Variants in KSR2 observed in about 807,000 individuals in gnomAD.
The protein encoded by KSR2 is kinase suppressor of ras 2.
In KSR2, 25 loss-of-function variants were observed where a neutral mutation model predicts 107.8. The observed-to-expected ratio is 0.23, with a 90% CI of 0.17 to 0.32. KSR2 has a LOEUF of 0.32. Among genes scored for constraint, KSR2 ranks in the 10% least tolerant of loss-of-function variants. KSR2 has a pLI of 1.00. For synonymous variants in KSR2, 480 were observed against 507.0 expected (o/e 0.95, Z 0.71); for missense variants, 887 against 1,268.9 (o/e 0.70, Z 4.57).
At position 117,457,330 on chromosome 12, in the gene KSR2, G is replaced by A. The variant is rs542560260; in HGVS notation, c.*9869C>T. 1.3e-5 allele frequency: 2 copies of A among 152,338 alleles called. No individual in the cohort carries two copies. The highest frequency in any genetic ancestry group is 6.5e-5 in the Admixed American group (1 of 15,300). The allele number at this position is 152,338 out of a possible 1,614,324, so 9.4% of individuals were successfully genotyped here. On this transcript the variant is annotated 3_prime_UTR_variant, in exon 20 of 20. Transcript: ENST00000339824. ...GATGCTGGATTTGAATCCTAGTCGC[G>A]TGGCCTGGAGACAACTCAGGGGACA...
At chr12:117,511,070 A>T (rs1873995855) in intron 14 of KSR2, among the ~76,000 whole-genome samples, 1 of 152,212 alleles carries the variant, frequency 6.6e-6, no homozygotes. Flanking sequence ...ACTGAGGCTC[A>T]GACAGTCTAA....
intron 4 of KSR2, among the ~76,000 whole-genome samples, chr12:117,683,658 C>T (rs2136543738): frequency 6.6e-6 from 1 of 152,330 alleles, no homozygotes; most frequent in South Asian, 2.1e-4. Flanking sequence ...AACAGACCTT[C>T]TACCAAGGCT....
chr12:117,776,802 A>T (rs748825121), intron 3 of KSR2, among the ~76,000 whole-genome samples: 9 of 151,794 alleles, frequency 5.9e-5, no homozygotes, highest in Non-Finnish European at 1.2e-4. Context: ...ACCCACCTCC[A>T]TCCCAGCTAC....
intron 3 of KSR2, among the ~76,000 whole-genome samples, chr12:117,823,131 G>A (rs1016527282): frequency 1.0e-4 from 8 of 79,430 alleles, no homozygotes; most frequent in South Asian, 3.8e-4. Context: ...AAAAAAAAAA[G>A]TGTGGCTGGA....
chr12:117,654,004 C>G (rs73411182), intron 5 of KSR2, among the ~76,000 whole-genome samples: 7,668 of 152,262 alleles, frequency 0.05, 362 homozygotes, highest in East Asian at 0.16. Flanking sequence ...AGGTGAATCA[C>G]AGCAGAGGCT....
At chr12:117,691,498 C>G (rs1018684535) in intron 4 of KSR2, among the ~76,000 whole-genome samples, 19 of 152,150 alleles carry the variant, frequency 1.2e-4, no homozygotes, top group African/African-American at 4.6e-4. Flanking sequence ...TGTTCAGCAC[C>G]AAGATTAATG....
intron 7 of KSR2, among the ~76,000 whole-genome samples, chr12:117,560,935 C>T (rs908765636): frequency 1.3e-5 from 2 of 152,310 alleles, no homozygotes; most frequent in African/African-American, 2.4e-5. Context: ...TGGTGCCATA[C>T]TTGTACAGCC....
chr12:117,762,900 A>G (rs1041536250), intron 3 of KSR2, among the ~76,000 whole-genome samples: 3 of 151,648 alleles, frequency 2.0e-5, no homozygotes, highest in Non-Finnish European at 2.9e-5. Flanking sequence ...TTATTTTATT[A>G]TTATTATACT....
At chr12:117,608,335 T>C (rs1881405452) in intron 5 of KSR2, among the ~76,000 whole-genome samples, 1 of 152,242 alleles carries the variant, frequency 6.6e-6, no homozygotes, top group African/African-American at 2.4e-5. Flanking sequence ...AAATATCCAC[T>C]GAACAAAGAA....
At chr12:117,693,815 A>C (rs867247766) in intron 4 of KSR2, among the ~76,000 whole-genome samples, 20 of 152,300 alleles carry the variant, frequency 1.3e-4, no homozygotes, top group Admixed American at 1.1e-3. Flanking sequence ...TGCGGCTCAC[A>C]GGGGAGACTC....
intron 10 of KSR2, among the ~76,000 whole-genome samples, chr12:117,536,086 TCAC>T (rs555281657): frequency 2.5e-3 from 386 of 152,308 alleles, no homozygotes; most frequent in African/African-American, 8.9e-3. Flanking sequence ...TATATCCTTT[TCAC>T]CACATGTCCT....
At chr12:117,846,544 C>A (rs2137185279) in intron 3 of KSR2, among the ~76,000 whole-genome samples, 1 of 152,224 alleles carries the variant, frequency 6.6e-6, no homozygotes, top group Non-Finnish European at 1.5e-5. Flanking sequence ...CTCAAGCGAT[C>A]CTCCTGCCTC....
At chr12:117,700,048 C>T (rs815683) in intron 4 of KSR2, among the ~76,000 whole-genome samples, 59,978 of 143,470 alleles carry the variant, frequency 0.42, 14,197 homozygotes, top group South Asian at 0.57. Flanking sequence ...AATTTTGGTA[C>T]TTTTTTTTTT....
intron 7 of KSR2, 144 bp downstream of exon 7, chr12:117,578,975 C>G (rs531391925): frequency 1.5e-6 from 1 of 672,414 alleles, no homozygotes; most frequent in South Asian, 1.7e-5. Context: ...CTTACAGGTG[C>G]ATTTCCAATC....
At chr12:117,641,499 C>G (rs1883355569) in intron 5 of KSR2, among the ~76,000 whole-genome samples, 1 of 152,194 alleles carries the variant, frequency 6.6e-6, no homozygotes, top group Non-Finnish European at 1.5e-5. Context: ...TCATCCCAAT[C>G]TCTGCCTTTG....
chr12:117,761,594 AC>A, intron 3 of KSR2, 70 bp from the exon 4 acceptor site: 1 of 1,430,944 alleles, frequency 7.0e-7, no homozygotes, highest in Non-Finnish European at 9.8e-7. Context: ...CACCATACAC[AC>A]CATTACATCA....
chr12:117,856,159 C>A (rs1186261965), intron 2 of KSR2, among the ~76,000 whole-genome samples: 1 of 152,150 alleles, frequency 6.6e-6, no homozygotes, highest in African/African-American at 2.4e-5. Flanking sequence ...TGTTTTTGAG[C>A]CCCATGGGGC....
intron 5 of KSR2, among the ~76,000 whole-genome samples, chr12:117,610,814 AG>A (rs1565925166): frequency 1.3e-5 from 2 of 151,938 alleles, no homozygotes; most frequent in Admixed American, 1.3e-4. Context: ...ATGTATAAGT[AG>A]GTAGGTAGGT....
rs940965168 is a variant in KSR2 at position 117,461,402 on chromosome 12, G to C, written c.*5797C>G. 2.0e-5 allele frequency: 3 copies of C among 152,144 alleles called. No individual in the cohort carries two copies. The highest frequency in any genetic ancestry group is 4.4e-5 in the Non-Finnish European group (3 of 68,056). The allele number at this position is 152,144 out of a possible 1,614,324, so 9.4% of individuals were successfully genotyped here. A position where few individuals can be genotyped will look rare whatever the true frequency, so the allele number is the denominator to read the frequency against. ...GTGCCCTTCTAACTCCCTGTGCCAGGGTCTTACTCTTACCCAGCAAACCTC... is the reference window on the plus strand; with the variant it reads ...GTGCCCTTCTAACTCCCTGTGCCAGCGTCTTACTCTTACCCAGCAAACCTC... On this transcript the variant is annotated 3_prime_UTR_variant, in exon 20 of 20. Transcript: ENST00000339824.
Sources: gnomAD v4.1 joint callset for allele counts (sites outside exome capture counted in the v4.1 genomes callset) on GRCh38, gnomAD v4.1.1 for gene constraint, MANE v1.5 for transcripts, NCBI Gene and HGNC (gene_info 2026-07-23, HGNC 2026-07-21) for gene names.